INTS6: variants seen among roughly 807,000 people sequenced by gnomAD.
The protein encoded by INTS6 is integrator complex subunit 6.
INTS6 carries 16 observed loss-of-function variants against 104.9 expected under a neutral mutation model. The observed-to-expected ratio is 0.15, with a 90% CI of 0.10 to 0.23. INTS6 has a LOEUF of 0.23. INTS6 is among the 10% of genes least tolerant of loss of function. INTS6 has a pLI of 1.00. For missense variants in INTS6, 584 were observed against 1,062.8 expected, an observed-to-expected ratio of 0.55 and a Z score of 6.26; for synonymous variants, 324 against 358.7, an observed-to-expected ratio of 0.90 and a Z score of 1.09.
At chr13:51,348,653 C>A in the INTS6 span, 1 of 318,118 alleles carries the variant, frequency 3.1e-6, no homozygotes, top group East Asian at 5.8e-5. Flanking sequence ...CTTTCCAAGA[C>A]AAGATATTCT....
At chr13:51,450,373 T>C (rs1012927363) in intron 3 of INTS6, 21 of 985,404 alleles carry the variant, frequency 2.1e-5, no homozygotes, top group Non-Finnish European at 2.5e-5. Flanking sequence ...AAAGGACTTG[T>C]GGGGGTTAAG....
chr13:51,432,583 T>C (rs1957112798), intron 3 of INTS6, among the ~76,000 whole-genome samples: 1 of 152,230 alleles, frequency 6.6e-6, no homozygotes, highest in South Asian at 2.1e-4. Context: ...ACACTTCAAC[T>C]TATTCATTGA....
intron 5 of INTS6, among the ~76,000 whole-genome samples, chr13:51,390,662 CTTAACGTGATTTG>C (rs1566219164): frequency 1.3e-5 from 2 of 152,000 alleles, no homozygotes; most frequent in South Asian, 2.1e-4. Flanking sequence ...TCAACTTACA[CTTAACGTGATTTG>C]TTAAAGGCTA....
chr13:51,375,734 GGTGTGTGTGTGTGTGTGT>G (rs71684515), intron 13 of INTS6, among the ~76,000 whole-genome samples: 2 of 147,684 alleles, frequency 1.4e-5, no homozygotes, highest in East Asian at 4.3e-4. Context: ...TTGATAAGTG[GGTGTGTGTGTGTGTGTGT>G]GTGTGTGTGT....
chr13:51,393,619 A>G (rs1359536420), intron 5 of INTS6, among the ~76,000 whole-genome samples: 1 of 152,220 alleles, frequency 6.6e-6, no homozygotes, highest in African/African-American at 2.4e-5. Flanking sequence ...AGGGGCAAAT[A>G]AACTATCACA....
chr13:51,405,553 A>G (rs1956546036), intron 4 of INTS6, among the ~76,000 whole-genome samples: 1 of 152,054 alleles, frequency 6.6e-6, no homozygotes, highest in East Asian at 1.9e-4. Context: ...TAAGTCATCA[A>G]TGGGTTTTTG....
chr13:51,397,810 G>A (rs894611641), intron 4 of INTS6, among the ~76,000 whole-genome samples: 5 of 151,050 alleles, frequency 3.3e-5, no homozygotes, highest in African/African-American at 4.9e-5. Context: ...CAGGCACTGC[G>A]CGGACCACAC....
chr13:51,347,797 C>T, the INTS6 span, among the ~76,000 whole-genome samples: 34 of 152,236 alleles, frequency 2.2e-4, no homozygotes, highest in South Asian at 1.0e-3. Context: ...ACAGTATGCC[C>T]GTTGGTCACT....
intron 4 of INTS6, among the ~76,000 whole-genome samples, chr13:51,421,602 A>G (rs1219523323): frequency 6.6e-6 from 1 of 152,210 alleles, no homozygotes; most frequent in Non-Finnish European, 1.5e-5. Context: ...GTTAAATAAA[A>G]TCACTATGGA....
At chr13:51,406,084 A>C (rs1401023996) in intron 4 of INTS6, among the ~76,000 whole-genome samples, 3 of 152,046 alleles carry the variant, frequency 2.0e-5, no homozygotes, top group African/African-American at 4.8e-5. Context: ...ACTGCCTTCC[A>C]TCCTCACCCC....
chr13:51,342,434 A>G, the INTS6 span, among the ~76,000 whole-genome samples: 1 of 152,226 alleles, frequency 6.6e-6, no homozygotes, highest in Non-Finnish European at 1.5e-5. Context: ...AAAAGCATTC[A>G]GTGTGATCAG....
the INTS6 span, among the ~76,000 whole-genome samples, chr13:51,345,483 A>C: frequency 1.3e-5 from 2 of 151,194 alleles, no homozygotes; most frequent in Non-Finnish European, 2.9e-5. Context: ...AATCCCAGCT[A>C]CTCGGGGAGG....
At chr13:51,379,849 G>A (rs568449610) in intron 10 of INTS6, among the ~76,000 whole-genome samples, 1 of 152,108 alleles carries the variant, frequency 6.6e-6, no homozygotes, top group African/African-American at 2.4e-5. Flanking sequence ...AACTAGGTTT[G>A]GAATAAATGG....
chr13:51,448,415 T>A (rs952727127), intron 3 of INTS6: 3 of 152,328 alleles, frequency 2.0e-5, no homozygotes, highest in African/African-American at 7.2e-5. Flanking sequence ...TCTGTAGGCA[T>A]GGAATTTTTT....
intron 7 of INTS6, chr13:51,384,532 A>C: frequency 2.3e-6 from 1 of 429,990 alleles, no homozygotes; most frequent in East Asian, 7.0e-5. Context: ...GATGGCTCCT[A>C]TTTCTCTGCT....
chr13:51,445,809 T>C (rs1952904344), intron 3 of INTS6: 1 of 152,208 alleles, frequency 6.6e-6, no homozygotes. Context: ...GTTCAGGGAT[T>C]TGCAGAGACC....
downstream of INTS6, among the ~76,000 whole-genome samples, chr13:51,352,000 AT>A (rs1188960478): frequency 6.6e-6 from 1 of 152,096 alleles, no homozygotes; most frequent in Non-Finnish European, 1.5e-5. Context: ...AGGCATAGAT[AT>A]TTGTATATTT....
At chr13:51,354,611 T>G (rs886239472) in intron 3 of INTS6, among the ~76,000 whole-genome samples, 1 of 150,486 alleles carries the variant, frequency 6.6e-6, no homozygotes, top group Non-Finnish European at 1.5e-5. Context: ...AAAAAGTGTT[T>G]AAAAAATGAA....
chr13:51,382,269 C>T (rs906047794), intron 9 of INTS6, 146 bp from the exon 10 acceptor site: 10 of 466,962 alleles, frequency 2.1e-5, no homozygotes, highest in Admixed American at 1.2e-4. Context: ...GTAAGATTTA[C>T]GGTTTTGTCA....
Sources: allele counts gnomAD v4.1 joint callset (sites outside exome capture counted in the v4.1 genomes callset), GRCh38; gene constraint gnomAD v4.1.1; transcripts MANE v1.5; gene names NCBI Gene and HGNC (gene_info 2026-07-23, HGNC 2026-07-21).